Variants in VPS13B observed in about 807,000 individuals in gnomAD.
VPS13B encodes intermembrane lipid transfer protein VPS13B.
VPS13B carries 285 observed loss-of-function variants against 426.4 expected under a neutral mutation model. That is an observed-to-expected ratio of 0.67 (90% CI 0.61 to 0.74). The LOEUF (loss-of-function observed/expected upper bound fraction) is 0.74. Among genes scored for constraint, VPS13B ranks in the 30% least tolerant of loss-of-function variants. The pLI, the probability that VPS13B is intolerant of heterozygous loss-of-function variation, is 0.00. For missense variants in VPS13B, 4,537 were observed against 4,782.6 expected, an observed-to-expected ratio of 0.95 and a Z score of 1.51; for synonymous variants, 1,676 against 1,676.4, an observed-to-expected ratio of 1.00 and a Z score of 0.01.
chr8:99,526,848 T>TA (rs1180567243), intron 30 of VPS13B, among the ~76,000 whole-genome samples: 2 of 152,158 alleles, frequency 1.3e-5, no homozygotes, highest in Non-Finnish European at 2.9e-5. Context: ...AGGATCTTGA[T>TA]AAAATGTGGA....
intron 3 of VPS13B, among the ~76,000 whole-genome samples, chr8:99,039,628 A>T (rs1035307839): frequency 6.6e-6 from 1 of 151,850 alleles, no homozygotes; most frequent in Admixed American, 6.6e-5. Flanking sequence ...ATTGATAAGT[A>T]TTATTAAAAT....
At chr8:99,328,028 G>A (rs139148959) in intron 19 of VPS13B, among the ~76,000 whole-genome samples, 420 of 152,304 alleles carry the variant, frequency 2.8e-3, no homozygotes, top group Middle Eastern at 0.01. Flanking sequence ...TGGTTCCATG[G>A]TCTATTAGGA....
chr8:99,428,238 A>G (rs537720450), intron 21 of VPS13B, among the ~76,000 whole-genome samples: 4 of 152,350 alleles, frequency 2.6e-5, no homozygotes, highest in Admixed American at 6.5e-5. Context: ...CAAGGTCTTT[A>G]TGTCTAAAAC....
At position 99,832,626 on chromosome 8, in the gene VPS13B, T is replaced by C. The variant is rs761906678; in HGVS notation, c.9588T>C (p.Asn3196=). ...AGAGTGTGGCAGTACCCCTCGGGAA[T>C]TTCCGGGAAAATGGATTCTGTACCA... The part of the protein sequence containing the change: ...PRQSVAVPLG[N]FRENGFCTRA... Residue 3196 remains asparagine (N), a synonymous_variant, in exon 52 of 62, where the codon AAT becomes AAC. Transcript: ENST00000357162. 2.5e-6 allele frequency: 4 copies of C among 1,613,738 alleles called. No homozygotes were observed. The African/African-American group carries it at 5.3e-5, about 22-fold the overall frequency.
chr8:99,463,915 G>A (rs1336865582), intron 23 of VPS13B, among the ~76,000 whole-genome samples: 1 of 152,096 alleles, frequency 6.6e-6, no homozygotes, highest in Non-Finnish European at 1.5e-5. Context: ...GGCTGGTCTT[G>A]AACTCTCGAC....
chr8:99,713,477 G>T (rs2130290098), intron 36 of VPS13B, among the ~76,000 whole-genome samples: 1 of 152,250 alleles, frequency 6.6e-6, no homozygotes, highest in South Asian at 2.1e-4. Flanking sequence ...ATAGAAAGAG[G>T]TTACAAATAA....
intron 4 of VPS13B, among the ~76,000 whole-genome samples, chr8:99,100,292 A>G (rs201712788): frequency 6.6e-6 from 1 of 152,058 alleles, no homozygotes; most frequent in African/African-American, 2.4e-5. Context: ...GAAAGAAAAA[A>G]AAATATATAT....
chr8:99,619,895 A>G (rs1053514992), intron 33 of VPS13B, among the ~76,000 whole-genome samples: 14 of 150,106 alleles, frequency 9.3e-5, no homozygotes, highest in South Asian at 4.2e-4. Flanking sequence ...TGATAATAAT[A>G]ATAATAATAA....
rs766421706 is a variant in VPS13B at position 99,535,950 on chromosome 8, AT to A, written c.4745+14956del. ...CAAAATATAAATGATTTTAATCCAA[AT>A]TTTTTTTTTTTTTTTGAGATGGAGT... On this transcript the variant is annotated intron_variant, in intron 30 of 61. Coordinates refer to ENST00000357162, the MANE Select transcript of VPS13B (RefSeq NM_152564.5). Among the ~76,000 whole-genome samples, 1,062 of 143,428 alleles carry A rather than the reference AT, an allele frequency of 7.4e-3. 8 individuals are homozygous for A. The highest frequency in any genetic ancestry group is 0.023 in the East Asian group (116 of 4,976). 94.1% of individuals were successfully genotyped at this position (143,428 alleles called of 152,430 possible). A position where few individuals can be genotyped will look rare whatever the true frequency, so the allele number is the denominator to read the frequency against.
chr8:99,247,479 C>A (rs1458463723), intron 17 of VPS13B, among the ~76,000 whole-genome samples: 1 of 151,992 alleles, frequency 6.6e-6, no homozygotes, highest in Non-Finnish European at 1.5e-5. Flanking sequence ...TGAGGTTGAT[C>A]CAATTTTAAT....
chr8:99,428,140 G>A (rs993466073), intron 21 of VPS13B, among the ~76,000 whole-genome samples: 2 of 152,158 alleles, frequency 1.3e-5, no homozygotes, highest in East Asian at 1.9e-4. Context: ...ATTAATTCAA[G>A]ATGGATTAAA....
intron 34 of VPS13B, among the ~76,000 whole-genome samples, chr8:99,652,697 A>C (rs1829870446): frequency 6.6e-6 from 1 of 152,124 alleles, no homozygotes; most frequent in African/African-American, 2.4e-5. Flanking sequence ...TTTAAGAAAA[A>C]GATTGAATTA....
intron 55 of VPS13B, among the ~76,000 whole-genome samples, chr8:99,853,111 T>A (rs1417714451): frequency 6.6e-6 from 1 of 152,188 alleles, no homozygotes; most frequent in Non-Finnish European, 1.5e-5. Flanking sequence ...GGAGTCTCAG[T>A]TACTTTATTA....
intron 29 of VPS13B, among the ~76,000 whole-genome samples, chr8:99,511,771 A>G (rs980669810): frequency 2.6e-5 from 4 of 152,224 alleles, no homozygotes; most frequent in Admixed American, 6.5e-5. Context: ...AGTAAAGCAT[A>G]TATATACTTT....
intron 16 of VPS13B, among the ~76,000 whole-genome samples, chr8:99,171,898 G>A (rs905069371): frequency 2.6e-5 from 4 of 152,138 alleles, no homozygotes; most frequent in Non-Finnish European, 5.9e-5. Flanking sequence ...TGCTTAAGCA[G>A]TATGTCCTAT....
intron 17 of VPS13B, among the ~76,000 whole-genome samples, chr8:99,214,119 C>G (rs1223571971): frequency 6.6e-6 from 1 of 152,174 alleles, no homozygotes; most frequent in Non-Finnish European, 1.5e-5. Context: ...CTTGTCTCAA[C>G]TTTTGCCTTC....
chr8:99,105,373 TTTAA>T (rs1443989097), intron 5 of VPS13B, among the ~76,000 whole-genome samples: 4 of 152,168 alleles, frequency 2.6e-5, no homozygotes, highest in African/African-American at 7.2e-5. Context: ...GAAATTTTAT[TTTAA>T]TTAATTAATT....
chr8:99,312,405 T>A, intron 19 of VPS13B, among the ~76,000 whole-genome samples: 1 of 152,212 alleles, frequency 6.6e-6, no homozygotes, highest in Non-Finnish European at 1.5e-5. Context: ...CTGTAAAGTG[T>A]TTTATTTCTC....
chr8:99,755,824 A>T (rs1810612759), intron 39 of VPS13B, among the ~76,000 whole-genome samples: 1 of 152,008 alleles, frequency 6.6e-6, no homozygotes, highest in African/African-American at 2.4e-5. Flanking sequence ...AAGAGGAAGG[A>T]TCTGATTTTT....
Sources: allele counts gnomAD v4.1 joint callset (sites outside exome capture counted in the v4.1 genomes callset), GRCh38; gene constraint gnomAD v4.1.1; transcripts MANE v1.5; gene names NCBI Gene and HGNC (gene_info 2026-07-23, HGNC 2026-07-21).